NAALAD2: variants seen among roughly 807,000 people sequenced by gnomAD.
NAALAD2 encodes N-acetylated-alpha-linked acidic dipeptidase 2.
In NAALAD2, 89 loss-of-function variants were observed where a neutral mutation model predicts 95.6. The observed-to-expected ratio is 0.93, with a 90% CI of 0.78 to 1.11. The LOEUF (loss-of-function observed/expected upper bound fraction) is 1.11. Among genes scored for constraint, NAALAD2 ranks in the 50% least tolerant of loss-of-function variants. The pLI is 0.00. For synonymous variants in NAALAD2, 264 were observed against 294.4 expected, an observed-to-expected ratio of 0.90 and a Z score of 1.06; for missense variants, 894 against 872.4, an observed-to-expected ratio of 1.02 and a Z score of -0.31.
At chr11:90,182,874 T>C in intron 17 of NAALAD2, 42 bp from the exon 18 acceptor site, 1 of 1,276,290 alleles carries the variant, frequency 7.8e-7, no homozygotes, top group Non-Finnish European at 1.1e-6. Context: ...GAAGCATGAT[T>C]CTGCGGTTTG....
At chr11:90,147,877 T>C (rs1951785820) in intron 3 of NAALAD2, among the ~76,000 whole-genome samples, 1 of 152,202 alleles carries the variant, frequency 6.6e-6, no homozygotes, top group Non-Finnish European at 1.5e-5. Context: ...GAGTTAACCA[T>C]GTGACAAAAT....
intron 18 of NAALAD2, among the ~76,000 whole-genome samples, chr11:90,191,334 T>C (rs558711746): frequency 1.3e-5 from 2 of 150,294 alleles, no homozygotes; most frequent in East Asian, 3.9e-4. Context: ...TGCTTTGGGT[T>C]CGCAACATGG....
At chr11:90,164,623 A>G (rs1952385229) in intron 11 of NAALAD2, among the ~76,000 whole-genome samples, 1 of 152,134 alleles carries the variant, frequency 6.6e-6, no homozygotes, top group Non-Finnish European at 1.5e-5. Flanking sequence ...ATTTCTATTG[A>G]GCTTTACAGT....
chr11:90,145,715 G>T (rs1486096983), intron 2 of NAALAD2, among the ~76,000 whole-genome samples: 3 of 152,204 alleles, frequency 2.0e-5, no homozygotes, highest in Non-Finnish European at 4.4e-5. Flanking sequence ...GTGATTAGAA[G>T]TGGTGATAGA....
intron 8 of NAALAD2, among the ~76,000 whole-genome samples, chr11:90,161,379 C>T (rs988913771): frequency 1.3e-5 from 2 of 152,110 alleles, no homozygotes; most frequent in African/African-American, 4.8e-5. Flanking sequence ...TAAAGTTGAC[C>T]ATAATGGATG....
intron 13 of NAALAD2, 129 bp from the exon 14 acceptor site, chr11:90,173,695 G>A: frequency 5.8e-6 from 3 of 514,076 alleles, no homozygotes; most frequent in African/African-American, 2.0e-5. Flanking sequence ...ACATATACAT[G>A]TGTATAAATA....
Position 90,191,642 on chromosome 11 carries a change from A to G in NAALAD2, c.2118A>G (p.Glu706=), listed in dbSNP as rs752430178. 1.6e-5 allele frequency: 25 copies of G among 1,607,656 alleles called. No homozygotes were observed. Among genetic ancestry groups the G allele is most frequent in the Non-Finnish European group, 1.9e-5 (22 of 1,177,096 alleles). ...PGIYDAIFDI[E]NKANSRLAWK... ...TCTATGATGCTATCTTTGATATTGA[A>G]AATAAAGCCAACTCTCGTTTGGCCT... The change falls in exon 19 of 19, where the codon GAA becomes GAG. Residue 706 remains glutamate (E), a synonymous_variant. Coordinates refer to ENST00000534061, the MANE Select transcript of NAALAD2 (RefSeq NM_005467.4).
rs777066629 is a variant in NAALAD2, at chr11:90,192,066, AAAACAGTTTGGCAGTTTCCTATAAAGTT to A, written c.*325_*352del. ...ATGTAAAATGGTAAAATCACTTTTG[AAAACAGTTTGGCAGTTTCCTATAAAGTT>A]AAACATACACTTTTACTTTAGGACT... On this transcript the variant is annotated 3_prime_UTR_variant, in exon 19 of 19. Coordinates refer to ENST00000534061, the MANE Select transcript of NAALAD2 (RefSeq NM_005467.4). 277 of 167,434 alleles carry A rather than the reference AAAACAGTTTGGCAGTTTCCTATAAAGTT, an allele frequency of 1.7e-3. 2 individuals carry two copies. Among genetic ancestry groups the A allele is most frequent in the Non-Finnish European group, 2.9e-3 (230 of 78,372 alleles). 10.4% of individuals were successfully genotyped at this position (167,434 alleles called of 1,614,324 possible). A position where few individuals can be genotyped will look rare whatever the true frequency, so the allele number is the denominator to read the frequency against.
At chr11:90,183,114 C>T in intron 18 of NAALAD2, 106 bp downstream of exon 18, 1 of 708,658 alleles carries the variant, frequency 1.4e-6, no homozygotes, top group South Asian at 1.7e-5. Flanking sequence ...AATATGTACA[C>T]TCTAGGGAAT....
intron 18 of NAALAD2, among the ~76,000 whole-genome samples, chr11:90,188,958 C>T (rs1311714995): frequency 6.6e-6 from 1 of 152,042 alleles, no homozygotes; most frequent in African/African-American, 2.4e-5. Flanking sequence ...GGTTACATGA[C>T]AAAGAGGAAT....
rs1952779449 is a variant in NAALAD2 at position 90,175,991 on chromosome 11, G to A, written c.1522G>A (p.Gly508Arg). Residue 508 changes from glycine (G) to arginine (R), a missense_variant, in exon 15 of 19, where the codon GGA becomes AGA. Gly to Arg is a moderately radical substitution (Grantham distance 125). Transcript: ENST00000534061. ...ATCTAGAATCAATAAGCTGGGATCTGGAAGTGACTTTGAAGCTTATTTTCA... is the reference window on the plus strand; with the variant it reads ...ATCTAGAATCAATAAGCTGGGATCTAGAAGTGACTTTGAAGCTTATTTTCA... ...NLPRINKLGS[G>R]SDFEAYFQRL... The A allele has an allele frequency of 6.2e-7, 1 of 1,612,358 alleles. No homozygotes were observed. The highest frequency in any genetic ancestry group is 1.3e-5 in the African/African-American group (1 of 74,786).
At chr11:90,133,427 G>T (rs868343862), upstream of NAALAD2, among the ~76,000 whole-genome samples, 7 of 152,008 alleles carry the variant, frequency 4.6e-5, no homozygotes, top group Admixed American at 2.0e-4. Context: ...TAATGTAGGG[G>T]TCAATGGAAA....
At chr11:90,187,846 A>T (rs1857203031) in intron 18 of NAALAD2, among the ~76,000 whole-genome samples, 1 of 152,178 alleles carries the variant, frequency 6.6e-6, no homozygotes, top group Non-Finnish European at 1.5e-5. Context: ...GACTAATCTG[A>T]TGTATGTATG....
chr11:90,147,518 T>C lies in NAALAD2; in HGVS notation c.381+2T>C. On this transcript the variant is annotated splice_donor_variant, in intron 3 of 18. Transcript: ENST00000534061. LOFTEE classifies it high-confidence loss of function. ...ATTGTGGATGAACATGAAACTGAGG[T>C]ATGTGAAATTGTTGGTACTTTTTAT... The C allele has an allele frequency of 6.3e-7, 1 of 1,594,330 alleles. No individual in the cohort carries two copies. The highest frequency in any genetic ancestry group is 8.6e-7 in the Non-Finnish European group (1 of 1,169,404).
chr11:90,141,450 G>T (rs1951612127), intron 2 of NAALAD2, among the ~76,000 whole-genome samples: 4 of 152,028 alleles, frequency 2.6e-5, no homozygotes, highest in African/African-American at 4.8e-5. Flanking sequence ...TGTTAGATTT[G>T]CATCTTTCAT....
intron 6 of NAALAD2, among the ~76,000 whole-genome samples, chr11:90,155,644 T>G (rs1425077491): frequency 1.2e-5 from 1 of 81,178 alleles, no homozygotes; most frequent in African/African-American, 6.5e-5. Context: ...ATATATATAA[T>G]TATTACATAT....
intron 13 of NAALAD2, among the ~76,000 whole-genome samples, chr11:90,170,531 A>T (rs367893017): frequency 6.6e-6 from 1 of 152,236 alleles, no homozygotes; most frequent in African/African-American, 2.4e-5. Flanking sequence ...AAAATGAATT[A>T]TAGCAGCAAT....
At chr11:90,171,756 A>G (rs1952644876) in intron 13 of NAALAD2, among the ~76,000 whole-genome samples, 2 of 152,182 alleles carry the variant, frequency 1.3e-5, no homozygotes, top group South Asian at 2.1e-4. Context: ...TGACTTGAGG[A>G]TAGTGTAGGG....
intron 6 of NAALAD2, among the ~76,000 whole-genome samples, chr11:90,155,444 A>G (rs1306078128): frequency 7.7e-4 from 74 of 96,610 alleles, no homozygotes; most frequent in South Asian, 1.2e-3. Context: ...TATATAATAT[A>G]TAATATGTAA....
Sources: allele counts gnomAD v4.1 joint callset (sites outside exome capture counted in the v4.1 genomes callset), GRCh38; gene constraint gnomAD v4.1.1; transcripts MANE v1.5; gene names NCBI Gene and HGNC (gene_info 2026-07-23, HGNC 2026-07-21).